The following IGSF11 variants were observed in gnomAD, a reference collection of about 807,000 sequenced individuals.
IGSF11 encodes the protein immunoglobulin superfamily member 11.
IGSF11 carries 22 observed loss-of-function variants against 41.0 expected under a neutral mutation model. That is an observed-to-expected ratio of 0.54 (90% CI 0.38 to 0.77). The LOEUF (loss-of-function observed/expected upper bound fraction) is 0.77, where lower values mean the gene tolerates loss of function less well. Ranked by LOEUF, IGSF11 falls within the 30% of genes least tolerant of loss-of-function variation. The probability of loss-of-function intolerance (pLI) is 0.00; values close to 1 mark genes in which losing one functional copy is unlikely to be tolerated. For missense variants in IGSF11, 444 were observed against 530.8 expected, an observed-to-expected ratio of 0.84 and a Z score of 1.61; for synonymous variants, 219 against 201.3, an observed-to-expected ratio of 1.09 and a Z score of -0.74.
At chr3:119,022,998 A>G in intron 1 of IGSF11, among the ~76,000 whole-genome samples, 1 of 152,172 alleles carries the variant, frequency 6.6e-6, no homozygotes, top group South Asian at 2.1e-4. Flanking sequence ...ACGGTGGCTC[A>G]TGCCTGTAAC....
intron 1 of IGSF11, among the ~76,000 whole-genome samples, chr3:119,078,990 A>G (rs1338056260): frequency 6.6e-6 from 1 of 152,152 alleles, no homozygotes; most frequent in African/African-American, 2.4e-5. Flanking sequence ...TCACATCACT[A>G]ATCATTAAAG....
At chr3:119,017,389 T>A (rs1356218122) in intron 1 of IGSF11, among the ~76,000 whole-genome samples, 1 of 152,244 alleles carries the variant, frequency 6.6e-6, no homozygotes, top group East Asian at 1.9e-4. Flanking sequence ...ATGGTAAATA[T>A]GTGTATCTAA....
At chr3:118,992,869 C>T (rs1231905344) in intron 1 of IGSF11, among the ~76,000 whole-genome samples, 2 of 152,048 alleles carry the variant, frequency 1.3e-5, no homozygotes, top group East Asian at 1.9e-4. Flanking sequence ...AAAAGAGAGC[C>T]AACAGAATGG....
chr3:118,953,371 T>C (rs1239041877), intron 1 of IGSF11, among the ~76,000 whole-genome samples: 1 of 152,194 alleles, frequency 6.6e-6, no homozygotes, highest in Non-Finnish European at 1.5e-5. Context: ...TGTGAAAGTA[T>C]CTTTTTGTAT....
At chr3:118,947,419 TGTAA>T (rs1239253750) in intron 1 of IGSF11, 5 of 152,330 alleles carry the variant, frequency 3.3e-5, no homozygotes, top group Admixed American at 6.5e-5. Flanking sequence ...GTGTGGATTA[TGTAA>T]GTAAGACTGA....
chr3:118,956,225 T>C (rs575155542), intron 1 of IGSF11, among the ~76,000 whole-genome samples: 1 of 152,202 alleles, frequency 6.6e-6, no homozygotes, highest in Non-Finnish European at 1.5e-5. Context: ...TTATCTTTTA[T>C]CCAGACCATC....
intron 1 of IGSF11, among the ~76,000 whole-genome samples, chr3:118,979,268 G>T (rs1459825511): frequency 6.6e-6 from 1 of 151,904 alleles, no homozygotes; most frequent in Non-Finnish European, 1.5e-5. Flanking sequence ...TGACATATGG[G>T]GACACAATAA....
Position 119,003,450 on chromosome 3 carries a change from T to C in IGSF11, c.52+31081A>G, listed in dbSNP as rs994566207. Among the ~76,000 whole-genome samples, 28 of 150,886 alleles carry C rather than the reference T, an allele frequency of 1.9e-4. 1 individual carries two copies. Among genetic ancestry groups the C allele is most frequent in the African/African-American group, 4.2e-4 (17 of 40,314 alleles). ...ACAATTTGACTTCCTCTTTTCCTAA[T>C]TGAATACCTTTTATTTCCTTCTCCT... On this transcript the variant is annotated intron_variant, in intron 1 of 6. Coordinates refer to ENST00000393775, the MANE Select transcript of IGSF11 (RefSeq NM_001015887.3).
At chr3:119,049,543 G>T (rs914161348) in intron 1 of IGSF11, among the ~76,000 whole-genome samples, 2 of 151,762 alleles carry the variant, frequency 1.3e-5, no homozygotes, top group Non-Finnish European at 3.0e-5. Flanking sequence ...TGGGTAGGAA[G>T]AATCAATATC....
chr3:118,902,076 T>G lies in IGSF11; in HGVS notation c.*444A>C, dbSNP rs185726642. 6.1e-4 allele frequency: 99 copies of G among 163,360 alleles called. No homozygotes were observed. The highest frequency in any genetic ancestry group is 8.9e-4 in the Non-Finnish European group (66 of 74,070). The allele number at this position is 163,360 out of a possible 1,614,324, so 10.1% of individuals were successfully genotyped here. On this transcript the variant is annotated 3_prime_UTR_variant, in exon 7 of 7. Transcript: ENST00000393775. ...TAAGCCCTCTATATAACGAGGGAATTGGGAGAGACGGAACATATCACAGGG... is the reference window on the plus strand; with the variant it reads ...TAAGCCCTCTATATAACGAGGGAATGGGGAGAGACGGAACATATCACAGGG...
intron 1 of IGSF11, among the ~76,000 whole-genome samples, chr3:119,045,341 G>C (rs1941289010): frequency 6.6e-6 from 1 of 152,252 alleles, no homozygotes; most frequent in Admixed American, 6.5e-5. Flanking sequence ...GGAAGCGCAA[G>C]GGGTCAGGGA....
chr3:118,958,507 A>G (rs1945115259), intron 1 of IGSF11, among the ~76,000 whole-genome samples: 1 of 152,202 alleles, frequency 6.6e-6, no homozygotes, highest in Non-Finnish European at 1.5e-5. Flanking sequence ...ATTAGTCTCC[A>G]ACTTTCCCTA....
At chr3:119,019,148 T>C (rs1939038636) in intron 1 of IGSF11, among the ~76,000 whole-genome samples, 1 of 152,116 alleles carries the variant, frequency 6.6e-6, no homozygotes, top group Non-Finnish European at 1.5e-5. Flanking sequence ...CCTGTTGGTA[T>C]ATCAGCTTAA....
At chr3:118,923,873 A>G (rs1414537616) in intron 4 of IGSF11, among the ~76,000 whole-genome samples, 4 of 152,174 alleles carry the variant, frequency 2.6e-5, no homozygotes, top group African/African-American at 7.2e-5. Flanking sequence ...AGTTTGTCAC[A>G]ATATTGGTGA....
intron 1 of IGSF11, among the ~76,000 whole-genome samples, chr3:118,975,782 T>C (rs1381355882): frequency 1.3e-5 from 2 of 152,180 alleles, no homozygotes; most frequent in Admixed American, 6.5e-5. Context: ...AAACCACATA[T>C]TGCATGTTCT....
At chr3:119,104,821 C>T (rs1315413278) in intron 1 of IGSF11, among the ~76,000 whole-genome samples, 1 of 152,088 alleles carries the variant, frequency 6.6e-6, no homozygotes, top group Admixed American at 6.6e-5. Flanking sequence ...TATACTTCTC[C>T]CATCATAGCT....
intron 1 of IGSF11, among the ~76,000 whole-genome samples, chr3:119,056,765 T>G (rs1007181483): frequency 1.3e-5 from 2 of 152,156 alleles, no homozygotes; most frequent in Non-Finnish European, 2.9e-5. Flanking sequence ...ATCAAAAAGC[T>G]TATCCACCAT....
At chr3:118,914,484 A>T (rs936402501) in intron 4 of IGSF11, among the ~76,000 whole-genome samples, 1 of 151,392 alleles carries the variant, frequency 6.6e-6, no homozygotes, top group Non-Finnish European at 1.5e-5. Flanking sequence ...CGAGTCAAAG[A>T]AAGGGGTGAC....
chr3:119,047,252 A>G (rs981808167), intron 1 of IGSF11, among the ~76,000 whole-genome samples: 3 of 152,020 alleles, frequency 2.0e-5, no homozygotes, highest in Non-Finnish European at 4.4e-5. Flanking sequence ...CAGGAAACCC[A>G]TCTCATGTGC....
Sources: allele counts gnomAD v4.1 joint callset (sites outside exome capture counted in the v4.1 genomes callset), GRCh38; gene constraint gnomAD v4.1.1; transcripts MANE v1.5; gene names NCBI Gene and HGNC (gene_info 2026-07-23, HGNC 2026-07-21).